The following DCP1B variants were observed in gnomAD, a reference collection of about 807,000 sequenced individuals.
DCP1B encodes mRNA-decapping enzyme 1B.
A neutral mutation model predicts 60.5 loss-of-function variants in DCP1B; 47 were observed. The observed-to-expected ratio is 0.78, with a 90% CI of 0.61 to 0.99. The LOEUF is 0.99. DCP1B is among the 50% of genes least tolerant of loss of function. The probability of loss-of-function intolerance (pLI) is 0.00; values close to 1 mark genes in which losing one functional copy is unlikely to be tolerated. For synonymous variants in DCP1B, 267 were observed against 280.3 expected, an observed-to-expected ratio of 0.95 and a Z score of 0.47; for missense variants, 725 against 756.8, an observed-to-expected ratio of 0.96 and a Z score of 0.49.
chr12:1,953,113 T>C lies in DCP1B; in HGVS notation c.827A>G (p.Tyr276Cys), dbSNP rs762589748. The change falls in exon 7 of 9, where the codon TAT becomes TGT. Residue 276 changes from tyrosine to cysteine, a missense_variant. Physicochemically the swap from Tyr to Cys is radical, Grantham distance 194 (BLOSUM62 -2). Transcript: ENST00000280665. ...IRQGVVRSLS[Y>C]EEPRRHSPPI... is the part of the protein sequence containing the mutation. The stretch of plus-strand genomic sequence containing the variant: ...GGGTGAGTGTCTTCTGGGTTCCTCA[T>C]AGGACAGGGAGCGTACAACCCCCTG... The C allele has an allele frequency of 5.0e-6, 8 of 1,614,082 alleles. No individual in the cohort carries two copies. The highest frequency in any genetic ancestry group is 3.3e-5 in the Admixed American group (2 of 60,012).
intron 2 of DCP1B, 32 bp from the exon 3 acceptor site, chr12:1,993,423 A>G (rs778825630): frequency 5.0e-6 from 8 of 1,601,036 alleles, no homozygotes; most frequent in South Asian, 1.1e-5. Context: ...GGGGAAATCA[A>G]TAGACAAATT....
downstream of DCP1B, among the ~76,000 whole-genome samples, chr12:1,943,827 A>G (rs149439655): frequency 4.6e-3 from 708 of 152,354 alleles, 6 homozygotes; most frequent in South Asian, 0.022. Flanking sequence ...ACCCACAGCC[A>G]ATATCATACT....
rs917423206 is a variant in DCP1B, at chr12:1,947,860, G to A, written c.1773+1226C>T. 4.5e-4 allele frequency among the ~76,000 whole-genome samples: 68 copies of A among 151,956 alleles called. 1 individual carries two copies. The highest frequency in any genetic ancestry group is 1.4e-3 in the African/African-American group (56 of 41,444). On this transcript the variant is annotated intron_variant, in intron 8 of 8. Transcript: ENST00000280665. The stretch of plus-strand genomic sequence containing the variant: ...ACATGTTTCCTTCTTTTGTAGTCTC[G>A]CTATGTTGCTCAGGCTGGTCTTGAA...
Position 1,949,121 on chromosome 12 carries a change from G to A in DCP1B, c.1738C>T (p.Leu580Phe). The A allele has an allele frequency of 6.2e-7, 1 of 1,614,138 alleles. No individual in the cohort carries two copies. The highest frequency in any genetic ancestry group is 2.2e-5 in the East Asian group (1 of 44,878). Residue 580 changes from leucine to phenylalanine, a missense_variant, in exon 8 of 9, where the codon CTC (leucine) becomes TTC (phenylalanine). Transcript: ENST00000280665. ...SVITSSPLTKLQLQEALLYLI... is the reference protein window; with the variant it reads ...SVITSSPLTKFQLQEALLYLI... Reference sequence around the variant, plus strand: ...TACAGCAGTGCCTCCTGGAGCTGGAGCTTGGTGAGTGGGCTGCTGGTGATC... The same window carrying A: ...TACAGCAGTGCCTCCTGGAGCTGGAACTTGGTGAGTGGGCTGCTGGTGATC...
downstream of DCP1B, among the ~76,000 whole-genome samples, chr12:1,945,648 A>G (rs1336228085): frequency 6.6e-6 from 1 of 152,234 alleles, no homozygotes; most frequent in African/African-American, 2.4e-5. Flanking sequence ...TCCATTAATG[A>G]TAGACTGGAT....
chr12:1,950,568 A>G (rs1024056129), intron 7 of DCP1B, among the ~76,000 whole-genome samples: 1 of 152,256 alleles, frequency 6.6e-6, no homozygotes, highest in Admixed American at 6.5e-5. Flanking sequence ...TGGGATGTTA[A>G]TAAATAATAA....
chr12:1,959,821 A>G (rs781036956), intron 5 of DCP1B, among the ~76,000 whole-genome samples: 31 of 152,092 alleles, frequency 2.0e-4, no homozygotes, highest in Non-Finnish European at 3.8e-4. Context: ...TTATCCGGGC[A>G]TGGTGGAGGG....
intron 3 of DCP1B, chr12:1,991,268 G>T: frequency 1.1e-5 from 5 of 455,584 alleles, no homozygotes; most frequent in Non-Finnish European, 2.2e-5. Context: ...CAATGAAAAT[G>T]TCTACTCCAC....
intron 5 of DCP1B, among the ~76,000 whole-genome samples, chr12:1,955,839 G>A (rs895099375): frequency 3.3e-5 from 5 of 152,108 alleles, no homozygotes; most frequent in African/African-American, 1.2e-4. Flanking sequence ...ATAATTGAAA[G>A]GTTCTGTGCT....
intron 5 of DCP1B, among the ~76,000 whole-genome samples, chr12:1,959,407 C>G (rs1448486476): frequency 5.3e-5 from 8 of 152,170 alleles, no homozygotes; most frequent in African/African-American, 1.9e-4. Context: ...AACAAATGTT[C>G]TGATCAAAAT....
chr12:1,968,402 G>C (rs1264202960), intron 3 of DCP1B, among the ~76,000 whole-genome samples: 1 of 151,450 alleles, frequency 6.6e-6, no homozygotes, highest in African/African-American at 2.4e-5. Flanking sequence ...GAAATCCGTG[G>C]TGGTTTTGTG....
At chr12:1,951,920 T>A (rs1223071429) in intron 7 of DCP1B, among the ~76,000 whole-genome samples, 1 of 152,238 alleles carries the variant, frequency 6.6e-6, no homozygotes, top group African/African-American at 2.4e-5. Context: ...TTTTCTCCCA[T>A]GTCTGTGTTG....
Position 1,952,508 on chromosome 12 carries a change from G to A in DCP1B, c.1432C>T (p.Pro478Ser), listed in dbSNP as rs1462909593. 5.6e-6 allele frequency: 9 copies of A among 1,614,050 alleles called. No homozygotes were observed. Among genetic ancestry groups the A allele is most frequent in the Non-Finnish European group, 6.8e-6 (8 of 1,180,026 alleles). The change falls in exon 7 of 9, where the codon CCT becomes TCT. Residue 478 changes from proline to serine, a missense_variant. Coordinates refer to ENST00000280665, the MANE Select transcript of DCP1B (RefSeq NM_152640.5). ...SNRPALAAKF[P>S]VLAQSSGTGK... ...GTTCCAGAGCTCTGAGCGAGCACAGGAAACTTAGCGGCCAAGGCTGGCCGG... is the reference window on the plus strand; with the variant it reads ...GTTCCAGAGCTCTGAGCGAGCACAGAAAACTTAGCGGCCAAGGCTGGCCGG...
rs763880436 is a variant in DCP1B at position 2,004,449 on chromosome 12, C to T, written c.-18G>A. The T allele has an allele frequency of 1.5e-4, 244 of 1,599,144 alleles. No individual in the cohort carries two copies. Among genetic ancestry groups the T allele is most frequent in the East Asian group, 2.5e-4 (11 of 44,770 alleles). On this transcript the variant is annotated 5_prime_UTR_variant, in exon 1 of 9. It removes an upstream start codon present in the reference 5' UTR. Coordinates refer to ENST00000280665, the MANE Select transcript of DCP1B (RefSeq NM_152640.5). Reference sequence around the variant, plus strand: ...GCTGCCATCTTCCCTCCCTCCCAGACATAGGCACGGGGCTCTTGGAAGCCA... The same window carrying T: ...GCTGCCATCTTCCCTCCCTCCCAGATATAGGCACGGGGCTCTTGGAAGCCA...
intron 1 of DCP1B, among the ~76,000 whole-genome samples, chr12:1,999,316 A>AT (rs1475883029): frequency 6.6e-6 from 1 of 152,254 alleles, no homozygotes; most frequent in African/African-American, 2.4e-5. Context: ...GGCACAAATC[A>AT]TATCAAGCTA....
Position 1,952,999 on chromosome 12 carries a change from C to T in DCP1B, c.941G>A (p.Arg314Gln), listed in dbSNP as rs776093314. Residue 314 changes from arginine (R) to glutamine (Q), a missense_variant, in exon 7 of 9, where the codon CGG (arginine) becomes CAG (glutamine). Coordinates refer to ENST00000280665, the MANE Select transcript of DCP1B (RefSeq NM_152640.5). ...ATGGGTACTGCCATTTTCACAAGGC[C>T]GGTTTTCAGGCAGCTCTGACAATGG... ...LHPLSELPEN[R>Q]PCENGSTHSA... 1.7e-5 allele frequency: 28 copies of T among 1,613,960 alleles called. No homozygotes were observed. The highest frequency in any genetic ancestry group is 8.9e-5 in the East Asian group (4 of 44,900).
At chr12:1,958,110 A>G (rs1194302232) in intron 5 of DCP1B, among the ~76,000 whole-genome samples, 12 of 140,352 alleles carry the variant, frequency 8.5e-5, no homozygotes, top group South Asian at 4.8e-4. Flanking sequence ...CCTGGAAGGA[A>G]ACAGGGGAAA....
downstream of DCP1B, among the ~76,000 whole-genome samples, chr12:1,944,088 C>T (rs1052597600): frequency 6.6e-5 from 10 of 152,218 alleles, no homozygotes; most frequent in African/African-American, 2.2e-4. Flanking sequence ...AGCAAAGTCT[C>T]AGGATACAAA....
chr12:1,991,636 A>G lies in DCP1B; in HGVS notation c.319+1628T>C, dbSNP rs543587035. ...TAGACTAGCCACACTTCAGGTACTA[A>G]ACGGCCACAGTAGTTAGTGACTATC... On this transcript the variant is annotated intron_variant, in intron 3 of 8. Transcript: ENST00000280665. 2.1e-5 allele frequency: 4 copies of G among 187,134 alleles called. No homozygotes were observed. The South Asian group carries it at 4.1e-4, about 19-fold the overall frequency. 11.6% of individuals were successfully genotyped at this position (187,134 alleles called of 1,614,324 possible).
Sources: allele counts gnomAD v4.1 joint callset (sites outside exome capture counted in the v4.1 genomes callset), GRCh38; gene constraint gnomAD v4.1.1; transcripts MANE v1.5; gene names NCBI Gene and HGNC (gene_info 2026-07-23, HGNC 2026-07-21).